The following CSMD1 variants were observed in gnomAD, a reference collection of about 807,000 sequenced individuals.
The protein encoded by CSMD1 is CUB and Sushi multiple domains 1, also known as CUB and sushi domain-containing protein 1.
In CSMD1, 213 loss-of-function variants were observed where a neutral mutation model predicts 417.5. The observed-to-expected ratio is 0.51, with a 90% CI of 0.46 to 0.57. CSMD1 has a LOEUF of 0.57. CSMD1 is among the 20% of genes least tolerant of loss of function. The pLI, the probability that CSMD1 is intolerant of heterozygous loss-of-function variation, is 0.00. For missense variants in CSMD1, 6,923 were observed against 4,529.7 expected (o/e 1.53, Z -15.17); for synonymous variants, 2,862 against 1,736.8 (o/e 1.65, Z -16.11).
chr8:4,515,276 C>G (rs1196936412), intron 2 of CSMD1, among the ~76,000 whole-genome samples: 1 of 152,142 alleles, frequency 6.6e-6, no homozygotes, highest in Non-Finnish European at 1.5e-5. Context: ...AGACCACAGT[C>G]TCTGATCTGA....
At chr8:3,936,705 T>G (rs939915696) in intron 5 of CSMD1, among the ~76,000 whole-genome samples, 1 of 152,330 alleles carries the variant, frequency 6.6e-6, no homozygotes, top group African/African-American at 2.4e-5. Context: ...GACAGAGATC[T>G]ACTAGGAGAT....
At chr8:4,718,593 A>C (rs1437664561) in intron 1 of CSMD1, among the ~76,000 whole-genome samples, 3 of 152,086 alleles carry the variant, frequency 2.0e-5, no homozygotes, top group African/African-American at 7.2e-5. Flanking sequence ...GGAGGAGATA[A>C]ACATATAGTA....
chr8:4,250,190 T>G (rs530149819), intron 3 of CSMD1, among the ~76,000 whole-genome samples: 1 of 152,330 alleles, frequency 6.6e-6, no homozygotes, highest in African/African-American at 2.4e-5. Context: ...TTCTTTTCTT[T>G]ACAAAGTACC....
intron 4 of CSMD1, among the ~76,000 whole-genome samples, chr8:4,013,729 C>T (rs779472255): frequency 5.3e-5 from 8 of 152,240 alleles, no homozygotes; most frequent in African/African-American, 1.4e-4. Flanking sequence ...CAAATGTTGG[C>T]GAACTATAGC....
intron 25 of CSMD1, among the ~76,000 whole-genome samples, chr8:3,299,548 T>G (rs1216399691): frequency 2.2e-5 from 3 of 133,798 alleles, no homozygotes; most frequent in East Asian, 2.1e-4. Context: ...CAACGCACAG[T>G]GTCCCAAGGT....
intron 49 of CSMD1, among the ~76,000 whole-genome samples, chr8:3,063,673 C>T (rs1180311271): frequency 1.3e-5 from 2 of 152,188 alleles, no homozygotes; most frequent in Non-Finnish European, 2.9e-5. Context: ...AATTCTGACA[C>T]ACCACATGCT....
intron 3 of CSMD1, among the ~76,000 whole-genome samples, chr8:4,215,281 A>G (rs951028037): frequency 6.6e-5 from 10 of 152,186 alleles, no homozygotes; most frequent in African/African-American, 1.9e-4. Flanking sequence ...TGTACTTTTC[A>G]TAATATTCAT....
chr8:4,108,060 ACAGAGACAGAG>A (rs368174828), intron 3 of CSMD1, among the ~76,000 whole-genome samples: 150,401 of 151,478 alleles, frequency 0.99, 74,676 homozygotes, highest in Middle Eastern at 1. Context: ...AGAGACAGAG[ACAGAGACAGAG>A]ACAGAGAGAG....
chr8:3,864,864 G>C (rs556869794), intron 5 of CSMD1, among the ~76,000 whole-genome samples: 4 of 152,152 alleles, frequency 2.6e-5, no homozygotes, highest in Non-Finnish European at 5.9e-5. Context: ...GGCCAGACTA[G>C]AATTAAATAA....
At chr8:4,798,045 G>T (rs1798073170) in intron 1 of CSMD1, among the ~76,000 whole-genome samples, 1 of 152,108 alleles carries the variant, frequency 6.6e-6, no homozygotes, top group Non-Finnish European at 1.5e-5. Context: ...TAAGTTCTAG[G>T]GTACATGCGC....
chr8:3,772,189 T>TATATATATATATAC (rs1377304281), intron 5 of CSMD1, among the ~76,000 whole-genome samples: 6 of 100,912 alleles, frequency 5.9e-5, no homozygotes, highest in African/African-American at 2.5e-4. Context: ...TATATATATA[T>TATATATATATATAC]ACACACACAC....
chr8:3,390,891 C>A (rs761873520), intron 17 of CSMD1, among the ~76,000 whole-genome samples: 2 of 152,106 alleles, frequency 1.3e-5, no homozygotes, highest in Non-Finnish European at 2.9e-5. Flanking sequence ...TCACTTCTCA[C>A]AGCCTCCGAG....
At chr8:4,689,249 C>T (rs1806599740) in intron 1 of CSMD1, among the ~76,000 whole-genome samples, 1 of 152,126 alleles carries the variant, frequency 6.6e-6, no homozygotes, top group Non-Finnish European at 1.5e-5. Flanking sequence ...CCAAGCGTAA[C>T]AGTATGGAAA....
chr8:4,392,191 A>T (rs1309744455), intron 3 of CSMD1, among the ~76,000 whole-genome samples: 1 of 152,130 alleles, frequency 6.6e-6, no homozygotes, highest in Non-Finnish European at 1.5e-5. Context: ...CTAAGTCTTG[A>T]GGTTGCTTTT....
chr8:3,786,057 A>AGG (rs1313357332), intron 5 of CSMD1, among the ~76,000 whole-genome samples: 2 of 151,982 alleles, frequency 1.3e-5, no homozygotes, highest in Non-Finnish European at 2.9e-5. Context: ...GATGTTTGGG[A>AGG]GGTGAGAATG....
chr8:3,768,301 C>G (rs1464504652), intron 5 of CSMD1, among the ~76,000 whole-genome samples: 1 of 152,190 alleles, frequency 6.6e-6, no homozygotes, highest in East Asian at 1.9e-4. Flanking sequence ...GTTGGTTCAC[C>G]TTCCCACTCA....
chr8:4,074,584 C>T (rs1210381539), intron 3 of CSMD1, among the ~76,000 whole-genome samples: 1 of 152,058 alleles, frequency 6.6e-6, no homozygotes, highest in Non-Finnish European at 1.5e-5. Context: ...ATAAATTATT[C>T]TACCACAAAT....
At chr8:4,912,135 A>AAAAGAAAAAAG (rs1554518071) in intron 1 of CSMD1, among the ~76,000 whole-genome samples, 10 of 115,612 alleles carry the variant, frequency 8.6e-5, no homozygotes, top group African/African-American at 2.3e-4. Flanking sequence ...AAAAAAAAAA[A>AAAAGAAAAAAG]AAAAAAGAAA....
chr8:3,289,071 G>A (rs1803362871), intron 25 of CSMD1, among the ~76,000 whole-genome samples: 1 of 147,020 alleles, frequency 6.8e-6, no homozygotes, highest in Non-Finnish European at 1.5e-5. Context: ...GGGAGAACAT[G>A]CGGTATTTAG....
Sources: gnomAD v4.1 joint callset for allele counts (sites outside exome capture counted in the v4.1 genomes callset) on GRCh38, gnomAD v4.1.1 for gene constraint, MANE v1.5 for transcripts, NCBI Gene and HGNC (gene_info 2026-07-23, HGNC 2026-07-21) for gene names.